Variants in RECQL5 observed in about 807,000 individuals in gnomAD.
RECQL5 encodes RecQ like helicase 5, also known as ATP-dependent DNA helicase Q5.
A neutral mutation model predicts 103.4 loss-of-function variants in RECQL5; 88 were observed. That is an observed-to-expected ratio of 0.85 (90% CI 0.72 to 1.02). The LOEUF (loss-of-function observed/expected upper bound fraction) is 1.02. Among genes scored for constraint, RECQL5 ranks in the 50% least tolerant of loss-of-function variants. RECQL5 has a pLI of 0.00. For missense variants in RECQL5, 1,232 were observed against 1,284.3 expected, an observed-to-expected ratio of 0.96 and a Z score of 0.62; for synonymous variants, 552 against 507.9, an observed-to-expected ratio of 1.09 and a Z score of -1.17.
rs1039262227 is a variant in RECQL5 at position 75,636,533 on chromosome 17, G to A, written c.1230-4865C>T. On this transcript the variant is annotated intron_variant, in intron 8 of 19. Transcript: ENST00000317905. The surrounding 1 kb of genome is among the most constrained non-coding windows in gnomAD (Gnocchi z 5.4). ...ACACTAAGGTTCCCTTAGGAGCAGCGGCTGGGGCACATGCCACACAGTCAC... is the reference window on the plus strand; with the variant it reads ...ACACTAAGGTTCCCTTAGGAGCAGCAGCTGGGGCACATGCCACACAGTCAC... 1.3e-5 allele frequency: 2 copies of A among 152,196 alleles called. No homozygotes were observed. Among genetic ancestry groups the A allele is most frequent in the Non-Finnish European group, 1.5e-5 (1 of 68,062 alleles). 9.4% of individuals were successfully genotyped at this position (152,196 alleles called of 1,614,324 possible).
Position 75,630,819 on chromosome 17 carries a change from T to G in RECQL5, c.1604A>C (p.Lys535Thr). The G allele has an allele frequency of 7.2e-7, 1 of 1,384,914 alleles. No homozygotes were observed. The highest frequency in any genetic ancestry group is 2.3e-5 in the Admixed American group (1 of 43,690). The allele number at this position is 1,384,914 out of a possible 1,614,324, so 85.8% of individuals were successfully genotyped here. A position where few individuals can be genotyped will look rare whatever the true frequency, so the allele number is the denominator to read the frequency against. Residue 535 changes from lysine to threonine, a missense_variant, in exon 12 of 20, where the codon AAA (lysine) becomes ACA (threonine). Transcript: ENST00000317905. ...GGGGATCCTCCTGCTAGAAGCCTCT[T>G]TCAGGGGACAGTTCTCATCTGTGGG... ...FVPPDENCPL[K>T]EASSRRIPRL...
intron 8 of RECQL5, among the ~76,000 whole-genome samples, chr17:75,645,743 C>T (rs1019755914): frequency 3.9e-5 from 6 of 152,250 alleles, no homozygotes; most frequent in Non-Finnish European, 2.9e-5. Flanking sequence ...TGTTCTAAAT[C>T]TGCCTCCATC....
chr17:75,626,961 G>A lies in RECQL5; in HGVS notation c.*461C>T, dbSNP rs539679855. 24 of 356,566 alleles carry A rather than the reference G, an allele frequency of 6.7e-5. No homozygotes were observed. The highest frequency in any genetic ancestry group is 5.9e-4 in the Admixed American group (15 of 25,260). 22.1% of individuals were successfully genotyped at this position (356,566 alleles called of 1,614,324 possible). On this transcript the variant is annotated 3_prime_UTR_variant, in exon 20 of 20. Transcript: ENST00000317905. Reference sequence around the variant, plus strand: ...AGCTGAGCAGGAACAGGGCCTGGCTGCCTCTCCTCTGCCACAGCTCTGACC... The same window carrying A: ...AGCTGAGCAGGAACAGGGCCTGGCTACCTCTCCTCTGCCACAGCTCTGACC...
intron 8 of RECQL5, chr17:75,650,659 G>T: frequency 6.2e-7 from 1 of 1,613,976 alleles, no homozygotes; most frequent in Non-Finnish European, 8.5e-7. Context: ...CGCATGCCTG[G>T]ACACAACCTG....
rs764418102 is a variant in RECQL5, at chr17:75,631,646, T to C, written c.1252A>G (p.Lys418Glu). The change falls in exon 9 of 20, where the codon AAG becomes GAG. Residue 418 changes from lysine (K) to glutamate (E), a missense_variant. Transcript: ENST00000317905. Reference sequence around the variant, plus strand: ...GCAGGCAGCGCATCCCCGAAGTACTTGGCAATGGCGGCATGGCGGCACCTG... The same window carrying C: ...GCAGGCAGCGCATCCCCGAAGTACTCGGCAATGGCGGCATGGCGGCACCTG... Reference protein sequence around the residue: ...ELGCRHAAIAKYFGDALPACA... With the variant: ...ELGCRHAAIAEYFGDALPACA... 9 of 1,611,402 alleles carry C rather than the reference T, an allele frequency of 5.6e-6. No homozygotes were observed. The highest frequency in any genetic ancestry group is 6.8e-6 in the Non-Finnish European group (8 of 1,179,738).
intron 5 of RECQL5, 73 bp from the exon 6 acceptor site, chr17:75,661,139 G>A (rs1599057251): frequency 8.8e-7 from 1 of 1,140,566 alleles, no homozygotes; most frequent in East Asian, 2.3e-5. Flanking sequence ...TTTTGGGTTT[G>A]ACACTGTGTG....
At position 75,651,051 on chromosome 17, in the gene RECQL5, GACACA is replaced by G. The variant is rs1391728508; in HGVS notation, c.1229+130_1229+134del. 5 of 1,572,370 alleles carry G rather than the reference GACACA, an allele frequency of 3.2e-6. No homozygotes were observed. The African/African-American group carries it at 6.8e-5, about 21-fold the overall frequency. On this transcript the variant is annotated intron_variant, in intron 8 of 19. Transcript: ENST00000317905. The stretch of plus-strand genomic sequence containing the variant: ...CAAGGTCCTGACTTCCACACTGCCC[GACACA>G]ACAGCCTTTGCAGGCAGGTGTCCCT...
chr17:75,644,744 G>A (rs193097987), intron 8 of RECQL5, among the ~76,000 whole-genome samples: 4 of 150,626 alleles, frequency 2.7e-5, no homozygotes, highest in African/African-American at 7.3e-5. Context: ...CAGGAGAATC[G>A]CCTGAACCCG....
chr17:75,630,843 G>GT lies in RECQL5; in HGVS notation c.1586-7_1586-6insA, dbSNP rs1555706003. On this transcript the variant is annotated splice_region_variant and splice_polypyrimidine_tract_variant and intron_variant, in intron 11 of 19. Coordinates refer to ENST00000317905, the MANE Select transcript of RECQL5 (RefSeq NM_004259.7). Reference sequence around the variant, plus strand: ...TTTCAGGGGACAGTTCTCATCTGTGGGGGGGGGGGGTGGTCCTTGGTCCTT... The same window carrying GT: ...TTTCAGGGGACAGTTCTCATCTGTGGTGGGGGGGGGGTGGTCCTTGGTCCTT... 0.45 allele frequency: 586,903 copies of GT among 1,298,482 alleles called. 74,293 individuals carry two copies. The highest frequency in any genetic ancestry group is 0.47 in the Non-Finnish European group (459,255 of 975,592). The allele number at this position is 1,298,482 out of a possible 1,614,324, so 80.4% of individuals were successfully genotyped here.
rs759068074 is a variant in RECQL5 at position 75,665,073 on chromosome 17, G to C, written c.230C>G (p.Ser77Cys). The change falls in exon 3 of 20, where the codon TCT becomes TGT. Residue 77 changes from serine to cysteine, a missense_variant. Transcript: ENST00000317905. Reference protein sequence around the residue: ...LLAKGITIVVSPLIALIQDQV... With the variant: ...LLAKGITIVVCPLIALIQDQV... ...CACCTGAATCAAAGCAATGAGAGGA[G>C]AGACTACAATGGTGATGCCTTTGGC... 1.2e-6 allele frequency: 2 copies of C among 1,606,524 alleles called. No homozygotes were observed. The highest frequency in any genetic ancestry group is 1.7e-6 in the Non-Finnish European group (2 of 1,177,388).
intron 8 of RECQL5, chr17:75,633,371 TG>T: frequency 2.5e-6 from 3 of 1,194,356 alleles, no homozygotes; most frequent in Non-Finnish European, 3.3e-6. Context: ...ACCAGGCAAA[TG>T]TCACAGGGCC....
Position 75,667,148 on chromosome 17 carries a change from G to A in RECQL5, c.-119C>T, listed in dbSNP as rs1434501457. ...CCAACTCAGAGAAGCCAAAGCGCTG[G>A]GAATTCAGCTTTAGGCAGAACCCAC... On this transcript the variant is annotated 5_prime_UTR_variant, in exon 1 of 20. Transcript: ENST00000317905. 1.8e-6 allele frequency: 1 copy of A among 567,340 alleles called. No individual in the cohort carries two copies. The allele number at this position is 567,340 out of a possible 1,614,324, so 35.1% of individuals were successfully genotyped here. A position where few individuals can be genotyped will look rare whatever the true frequency, so the allele number is the denominator to read the frequency against.
chr17:75,628,823 G>C, intron 16 of RECQL5, 61 bp from the exon 17 acceptor site: 1 of 1,602,268 alleles, frequency 6.2e-7, no homozygotes, highest in Non-Finnish European at 8.5e-7. Flanking sequence ...CATCCCAGGA[G>C]GCCTAGGAGA....
chr17:75,647,640 C>A, intron 8 of RECQL5: 1 of 1,438,410 alleles, frequency 7.0e-7, no homozygotes, highest in Non-Finnish European at 9.5e-7. Flanking sequence ...TGGGCCCCTT[C>A]GCGGTTCCCT....
At position 75,632,056 on chromosome 17, in the gene RECQL5, G is replaced by GTT. The variant is rs1277670139; in HGVS notation, c.1230-389_1230-388insAA. Among the ~76,000 whole-genome samples the GTT allele has an allele frequency of 1.1e-4, 16 of 152,366 alleles. No individual in the cohort carries two copies. The South Asian group carries it at 3.3e-3, about 32-fold the overall frequency. On this transcript the variant is annotated intron_variant, in intron 8 of 19. Transcript: ENST00000317905. ...TCCTAAAGCCCATGCATTCCCGTCA[G>GTT]TAAGATGGTGCAGAAAGGCACAGCC...
chr17:75,655,216 A>G (rs757590938), intron 7 of RECQL5, among the ~76,000 whole-genome samples: 1 of 149,512 alleles, frequency 6.7e-6, no homozygotes, highest in East Asian at 2.0e-4. Flanking sequence ...GGATTACAGG[A>G]GCCCGCCACC....
chr17:75,641,574 G>A (rs1489256529), intron 8 of RECQL5, among the ~76,000 whole-genome samples: 8 of 152,312 alleles, frequency 5.3e-5, no homozygotes, highest in East Asian at 1.9e-4. Flanking sequence ...ACCAGTGGAC[G>A]GTGCCATGAA....
At chr17:75,654,983 A>G (rs2059598255) in intron 7 of RECQL5, among the ~76,000 whole-genome samples, 1 of 152,000 alleles carries the variant, frequency 6.6e-6, no homozygotes, top group Non-Finnish European at 1.5e-5. Context: ...TGTAGAGATA[A>G]AGTCTTGTTA....
At chr17:75,654,469 TC>T (rs2059592695) in intron 7 of RECQL5, among the ~76,000 whole-genome samples, 1 of 152,234 alleles carries the variant, frequency 6.6e-6, no homozygotes, top group South Asian at 2.1e-4. Context: ...ATCTTTGCTT[TC>T]TAGGTTTACT....
Sources: gnomAD v4.1 joint callset for allele counts (sites outside exome capture counted in the v4.1 genomes callset) on GRCh38, gnomAD v4.1.1 for gene constraint, Gnocchi (gnomAD v3.1) non-coding constraint, MANE v1.5 for transcripts, NCBI Gene and HGNC (gene_info 2026-07-23, HGNC 2026-07-21) for gene names.